ENPP6: variants seen among roughly 807,000 people sequenced by gnomAD.
ENPP6 encodes the protein ectonucleotide pyrophosphatase/phosphodiesterase 6.
ENPP6 carries 32 observed loss-of-function variants against 42.0 expected under a neutral mutation model. The ratio of observed to expected loss-of-function variants is 0.76; its 90% CI spans 0.58 to 1.02. The LOEUF (loss-of-function observed/expected upper bound fraction) is 1.02, where lower values mean the gene tolerates loss of function less well. Among genes scored for constraint, ENPP6 ranks in the 50% least tolerant of loss-of-function variants. The pLI is 0.00. For missense variants in ENPP6, 552 were observed against 566.8 expected (o/e 0.97, Z 0.27); for synonymous variants, 213 against 216.0 (o/e 0.99, Z 0.12).
intron 6 of ENPP6, among the ~76,000 whole-genome samples, chr4:184,101,554 G>A (rs4490501): frequency 0.1 from 15,507 of 152,192 alleles, 999 homozygotes; most frequent in South Asian, 0.16. Context: ...AGAGCCAGGA[G>A]GTGAGAGGAA....
chr4:184,214,324 T>C (rs1045029283), intron 1 of ENPP6, among the ~76,000 whole-genome samples: 1 of 152,204 alleles, frequency 6.6e-6, no homozygotes, highest in African/African-American at 2.4e-5. Flanking sequence ...GGCATTTTGG[T>C]TGCTTTTGTC....
intron 1 of ENPP6, among the ~76,000 whole-genome samples, chr4:184,168,276 C>T (rs893245694): frequency 1.3e-5 from 2 of 151,722 alleles, no homozygotes; most frequent in Non-Finnish European, 2.9e-5. Flanking sequence ...GTCTTCCGCA[C>T]GATGTCTGGC....
At chr4:184,121,906 A>G (rs1736420695) in intron 3 of ENPP6, among the ~76,000 whole-genome samples, 1 of 152,242 alleles carries the variant, frequency 6.6e-6, no homozygotes, top group South Asian at 2.1e-4. Flanking sequence ...GACATGTTCT[A>G]ATAATAACAC....
At chr4:184,109,170 C>A (rs1193158581) in intron 6 of ENPP6, among the ~76,000 whole-genome samples, 3 of 152,112 alleles carry the variant, frequency 2.0e-5, no homozygotes, top group Non-Finnish European at 2.9e-5. Flanking sequence ...GAGATCGCAC[C>A]ACCGCACTCC....
chr4:184,163,323 T>A (rs1436040689), intron 1 of ENPP6, among the ~76,000 whole-genome samples: 1 of 152,144 alleles, frequency 6.6e-6, no homozygotes, highest in Non-Finnish European at 1.5e-5. Context: ...CCTTTGTATA[T>A]ATTGGGGGTA....
chr4:184,161,292 C>T (rs1179292310), intron 1 of ENPP6, among the ~76,000 whole-genome samples: 1 of 152,132 alleles, frequency 6.6e-6, no homozygotes, highest in African/African-American at 2.4e-5. Context: ...TGAAAAAATG[C>T]TCAACAACAC....
chr4:184,163,891 T>C (rs928353128), intron 1 of ENPP6, among the ~76,000 whole-genome samples: 5 of 152,220 alleles, frequency 3.3e-5, no homozygotes, highest in South Asian at 2.1e-4. Context: ...AGGCTTACCA[T>C]ACACTAAGAA....
At chr4:184,119,766 C>T (rs4423918) in intron 3 of ENPP6, among the ~76,000 whole-genome samples, 40,133 of 151,978 alleles carry the variant, frequency 0.26, 6,380 homozygotes, top group Admixed American at 0.41. Context: ...TTCTCATGAT[C>T]GTGAGTGAGT....
intron 1 of ENPP6, among the ~76,000 whole-genome samples, chr4:184,201,442 G>A (rs1732902559): frequency 6.6e-6 from 1 of 152,176 alleles, no homozygotes. Context: ...TCGCCATGGT[G>A]TGTAGACCGC....
chr4:184,171,819 C>T (rs938035860), intron 1 of ENPP6, among the ~76,000 whole-genome samples: 6 of 151,618 alleles, frequency 4.0e-5, no homozygotes, highest in African/African-American at 1.5e-4. Context: ...GTATCCGGCA[C>T]GATTCGAGAT....
At chr4:184,150,001 G>A (rs1452120525) in intron 2 of ENPP6, among the ~76,000 whole-genome samples, 1 of 152,100 alleles carries the variant, frequency 6.6e-6, no homozygotes, top group Non-Finnish European at 1.5e-5. Context: ...CAACTAGAAG[G>A]ATAAGGTGGA....
intron 2 of ENPP6, among the ~76,000 whole-genome samples, chr4:184,147,854 C>T (rs1452935310): frequency 1.3e-5 from 2 of 151,912 alleles, no homozygotes; most frequent in Non-Finnish European, 2.9e-5. Flanking sequence ...CTGGCCTCAG[C>T]CTCTCTCCAC....
chr4:184,116,770 A>C, intron 5 of ENPP6, 86 bp downstream of exon 5: 2 of 1,526,690 alleles, frequency 1.3e-6, no homozygotes, highest in Non-Finnish European at 1.8e-6. Flanking sequence ...AAAACAAAAC[A>C]AAAAAACTAC....
chr4:184,154,494 C>T (rs542248772), intron 1 of ENPP6, among the ~76,000 whole-genome samples: 28 of 152,118 alleles, frequency 1.8e-4, no homozygotes, highest in Admixed American at 6.5e-5. Flanking sequence ...TTTTAGTGAG[C>T]GTCATTTGGC....
At chr4:184,169,505 C>T (rs1737422220) in intron 1 of ENPP6, among the ~76,000 whole-genome samples, 1 of 152,194 alleles carries the variant, frequency 6.6e-6, no homozygotes, top group Non-Finnish European at 1.5e-5. Context: ...CTGCCTGGAG[C>T]AGCAGGCCTG....
At chr4:184,097,039 A>AT (rs2111328783) in intron 7 of ENPP6, among the ~76,000 whole-genome samples, 1 of 152,352 alleles carries the variant, frequency 6.6e-6, no homozygotes, top group Admixed American at 6.5e-5. Flanking sequence ...AAGGCAAAGT[A>AT]TTTGGCTACA....
intron 1 of ENPP6, among the ~76,000 whole-genome samples, chr4:184,158,199 T>G (rs950157824): frequency 2.6e-5 from 4 of 152,248 alleles, no homozygotes; most frequent in Non-Finnish European, 5.9e-5. Context: ...GGAGCCAGAT[T>G]GCATAGGTTC....
intron 1 of ENPP6, among the ~76,000 whole-genome samples, chr4:184,167,588 C>T (rs1737373113): frequency 1.3e-5 from 2 of 152,234 alleles, no homozygotes; most frequent in African/African-American, 2.4e-5. Context: ...AACCATCCCC[C>T]GCCCGCTTTT....
chr4:184,100,798 C>T (rs1735987516), intron 6 of ENPP6, among the ~76,000 whole-genome samples: 1 of 152,124 alleles, frequency 6.6e-6, no homozygotes, highest in African/African-American at 2.4e-5. Flanking sequence ...TGGGAGAAGC[C>T]CATGATTTCA....
Sources: allele counts gnomAD v4.1 joint callset (sites outside exome capture counted in the v4.1 genomes callset), GRCh38; gene constraint gnomAD v4.1.1; transcripts MANE v1.5; gene names NCBI Gene and HGNC (gene_info 2026-07-23, HGNC 2026-07-21).